Variants in ROBO1 observed in about 807,000 individuals in gnomAD.
ROBO1 encodes roundabout homolog 1.
Under a neutral mutation model 195.9 loss-of-function variants are expected in ROBO1, and 149 were observed. That is an observed-to-expected ratio of 0.76 (90% CI 0.67 to 0.87). The LOEUF is 0.87. ROBO1 is among the 40% of genes least tolerant of loss of function. The pLI is 0.00. For synonymous variants in ROBO1, 816 were observed against 733.2 expected (o/e 1.11, Z -1.82); for missense variants, 1,933 against 2,068.3 (o/e 0.93, Z 1.27).
intron 2 of ROBO1, among the ~76,000 whole-genome samples, chr3:79,210,796 T>A (rs144081538): frequency 4.9e-4 from 74 of 152,286 alleles, no homozygotes; most frequent in African/African-American, 1.7e-3. Context: ...GGTTTATGAA[T>A]ATTGTTGAAA....
chr3:78,963,494 GTTTTT>G (rs750158094), intron 3 of ROBO1, among the ~76,000 whole-genome samples: 9 of 72,312 alleles, frequency 1.2e-4, no homozygotes, highest in Admixed American at 4.7e-4. Context: ...AAAACCTTCA[GTTTTT>G]TTTTTTTTTT....
At chr3:78,975,998 T>C (rs188677469) in intron 3 of ROBO1, among the ~76,000 whole-genome samples, 46 of 152,306 alleles carry the variant, frequency 3.0e-4, no homozygotes, top group Admixed American at 1.5e-3. Flanking sequence ...AAAGTCAGCC[T>C]AATTTTGTTC....
intron 2 of ROBO1, among the ~76,000 whole-genome samples, chr3:79,282,834 C>T (rs1426653784): frequency 6.6e-6 from 1 of 152,034 alleles, no homozygotes; most frequent in Admixed American, 6.6e-5. Flanking sequence ...GCCGTAAAAC[C>T]AGAGATACTA....
intron 4 of ROBO1, among the ~76,000 whole-genome samples, chr3:78,851,407 T>C (rs950707399): frequency 2.6e-5 from 4 of 152,188 alleles, no homozygotes; most frequent in African/African-American, 9.7e-5. Flanking sequence ...AAGACAATGA[T>C]TAGAGTTACC....
intron 1 of ROBO1, among the ~76,000 whole-genome samples, chr3:79,656,865 C>G (rs1381391896): frequency 6.6e-6 from 1 of 151,256 alleles, no homozygotes; most frequent in Non-Finnish European, 1.5e-5. Context: ...CCACTGCACT[C>G]TGGCTTGGAG....
intron 4 of ROBO1, among the ~76,000 whole-genome samples, chr3:78,925,763 G>A (rs1447466521): frequency 6.6e-6 from 1 of 152,166 alleles, no homozygotes; most frequent in Non-Finnish European, 1.5e-5. Flanking sequence ...AAGGGATAGA[G>A]GGTGGTCCAT....
intron 2 of ROBO1, among the ~76,000 whole-genome samples, chr3:79,407,109 A>G (rs1011431124): frequency 5.3e-5 from 8 of 151,860 alleles, no homozygotes; most frequent in Non-Finnish European, 8.8e-5. Flanking sequence ...TGTATTTTTA[A>G]TAGAAATGGG....
chr3:78,896,535 T>C (rs967652805), intron 4 of ROBO1, among the ~76,000 whole-genome samples: 1 of 151,320 alleles, frequency 6.6e-6, no homozygotes, highest in African/African-American at 2.4e-5. Flanking sequence ...AAAACATTGC[T>C]CCTAACTCCA....
intron 2 of ROBO1, among the ~76,000 whole-genome samples, chr3:79,143,555 A>T (rs1304312834): frequency 6.6e-6 from 1 of 152,126 alleles, no homozygotes; most frequent in African/African-American, 2.4e-5. Context: ...TATTTAATTG[A>T]CTATGCCATT....
intron 2 of ROBO1, among the ~76,000 whole-genome samples, chr3:79,348,210 CAAA>C (rs71127380): frequency 2.7e-5 from 2 of 72,946 alleles, no homozygotes; most frequent in Admixed American, 1.6e-4. Context: ...GACTCCATCT[CAAA>C]AAAAAAAAAA....
At chr3:78,901,755 G>A (rs1478049263) in intron 4 of ROBO1, among the ~76,000 whole-genome samples, 4 of 152,116 alleles carry the variant, frequency 2.6e-5, no homozygotes, top group African/African-American at 9.7e-5. Flanking sequence ...TTTCTTGACA[G>A]AACACAGTAT....
intron 2 of ROBO1, among the ~76,000 whole-genome samples, chr3:79,128,029 A>G (rs149746434): frequency 6.6e-6 from 1 of 152,298 alleles, no homozygotes; most frequent in Non-Finnish European, 1.5e-5. Flanking sequence ...AAAAGATAAC[A>G]ATAACATGAA....
At chr3:79,619,527 C>T (rs1411358357) in intron 1 of ROBO1, among the ~76,000 whole-genome samples, 1 of 152,096 alleles carries the variant, frequency 6.6e-6, no homozygotes, top group Non-Finnish European at 1.5e-5. Context: ...GATAACCCTT[C>T]TATTACCTCC....
At chr3:79,665,277 T>C (rs1946443152) in intron 1 of ROBO1, among the ~76,000 whole-genome samples, 1 of 151,916 alleles carries the variant, frequency 6.6e-6, no homozygotes, top group Admixed American at 6.6e-5. Flanking sequence ...CATATACTGT[T>C]ATAGAGTCTA....
rs868496442 is a variant in ROBO1, at chr3:79,058,945, T to C, written c.172+66511A>G. Among the ~76,000 whole-genome samples, 8 of 152,130 alleles carry C rather than the reference T, an allele frequency of 5.3e-5. No individual in the cohort carries two copies. The South Asian group carries it at 1.7e-3, about 31-fold the overall frequency. ...GCCCGAATGGCATTACATCAATCTA[T>C]TCACATGGCTCATTTTGTTAATGAT... On this transcript the variant is annotated intron_variant, in intron 3 of 30. Coordinates refer to ENST00000464233, the MANE Select transcript of ROBO1 (RefSeq NM_002941.4).
At chr3:79,313,186 CAAA>C (rs61113124) in intron 2 of ROBO1, among the ~76,000 whole-genome samples, 39 of 90,076 alleles carry the variant, frequency 4.3e-4, no homozygotes, top group African/African-American at 1.3e-3. Context: ...GACTCCATCT[CAAA>C]AAAAAAAAAA....
chr3:79,085,723 A>C (rs977346938), intron 3 of ROBO1, among the ~76,000 whole-genome samples: 2 of 152,128 alleles, frequency 1.3e-5, no homozygotes, highest in African/African-American at 4.8e-5. Flanking sequence ...AAGTAGCAAA[A>C]TATGATAGTT....
At chr3:79,459,911 G>A (rs1360924983) in intron 2 of ROBO1, among the ~76,000 whole-genome samples, 1 of 152,020 alleles carries the variant, frequency 6.6e-6, no homozygotes, top group East Asian at 1.9e-4. Context: ...TACAAATGGT[G>A]AACAAATATA....
rs780037540 is a variant in ROBO1 at position 78,606,983 on chromosome 3, C to T, written c.4494G>A (p.Lys1498=). The change falls in exon 29 of 31, where the codon AAG becomes AAA. Residue 1498 remains lysine (K), a synonymous_variant. Transcript: ENST00000464233. ...PAIKSPTAQS[K]TQLEVRPVVV... ...CTACAGGTCGTACTTCCAGCTGTGTCTTGGATTGGGCAGTAGGTGACTTTA... is the reference window on the plus strand; with the variant it reads ...CTACAGGTCGTACTTCCAGCTGTGTTTTGGATTGGGCAGTAGGTGACTTTA... 6 of 1,613,630 alleles carry T rather than the reference C, an allele frequency of 3.7e-6. No individual in the cohort carries two copies. The African/African-American group carries it at 4.0e-5, about 11-fold the overall frequency.
Sources: allele counts gnomAD v4.1 joint callset (sites outside exome capture counted in the v4.1 genomes callset), GRCh38; gene constraint gnomAD v4.1.1; transcripts MANE v1.5; gene names NCBI Gene and HGNC (gene_info 2026-07-23, HGNC 2026-07-21).